PLCB1: variants seen among roughly 807,000 people sequenced by gnomAD.
The protein encoded by PLCB1 is 1-phosphatidylinositol 4,5-bisphosphate phosphodiesterase beta-1.
Under a neutral mutation model 161.8 loss-of-function variants are expected in PLCB1, and 46 were observed. That is an observed-to-expected ratio of 0.28 (90% confidence interval 0.22 to 0.36). The LOEUF (loss-of-function observed/expected upper bound fraction) is 0.36. Among genes scored for constraint, PLCB1 ranks in the 10% least tolerant of loss-of-function variants. The probability of loss-of-function intolerance (pLI) is 1.00; values close to 1 mark genes in which losing one functional copy is unlikely to be tolerated. For synonymous variants in PLCB1, 517 were observed against 503.7 expected (o/e 1.03, Z -0.35); for missense variants, 1,016 against 1,472.5 (o/e 0.69, Z 5.07).
chr20:8,549,106 T>C lies in PLCB1; in HGVS notation c.247-79188T>C, dbSNP rs1245083280. Among the ~76,000 whole-genome samples, 3 of 152,160 alleles carry C rather than the reference T, an allele frequency of 2.0e-5. No homozygotes were observed. The East Asian group carries it at 5.8e-4, about 29-fold the overall frequency. ...GTGCAGCAAACCACCATGGCACATG[T>C]ATACCTATGTAACAAGCCTGCATGT... is the stretch of plus-strand genomic sequence containing the variant. On this transcript the variant is annotated intron_variant, in intron 3 of 31. Transcript: ENST00000338037.
chr20:8,323,535 T>C (rs902883681), intron 2 of PLCB1, among the ~76,000 whole-genome samples: 6 of 152,140 alleles, frequency 3.9e-5, no homozygotes, highest in Non-Finnish European at 8.8e-5. Context: ...TCTCTCCTTA[T>C]GGCCTCTCCA....
At chr20:8,350,576 G>A (rs538073043) in intron 2 of PLCB1, among the ~76,000 whole-genome samples, 19 of 152,274 alleles carry the variant, frequency 1.2e-4, no homozygotes, top group African/African-American at 4.1e-4. Flanking sequence ...CTTTGTAACA[G>A]AATGATTTAT....
chr20:8,141,605 C>T (rs999076054), intron 1 of PLCB1, among the ~76,000 whole-genome samples: 2 of 127,366 alleles, frequency 1.6e-5, no homozygotes, highest in African/African-American at 3.1e-5. Flanking sequence ...CCAGCCTGGG[C>T]GACAGAGCGA....
intron 31 of PLCB1, among the ~76,000 whole-genome samples, chr20:8,868,348 G>A (rs990903825): frequency 4.0e-5 from 6 of 151,088 alleles, no homozygotes; most frequent in Non-Finnish European, 8.8e-5. Context: ...CCATAAAACC[G>A]TATTGTATTA....
chr20:8,439,840 A>G (rs1980476704), intron 3 of PLCB1, among the ~76,000 whole-genome samples: 2 of 151,880 alleles, frequency 1.3e-5, no homozygotes, highest in South Asian at 2.1e-4. Flanking sequence ...CCGTGCACCA[A>G]AGTTCTTAAA....
intron 31 of PLCB1, among the ~76,000 whole-genome samples, chr20:8,879,064 G>C (rs1987881198): frequency 6.6e-6 from 1 of 152,034 alleles, no homozygotes; most frequent in African/African-American, 2.4e-5. Flanking sequence ...GTGGTATTTG[G>C]TTTTCTGTTC....
rs184084899 is a variant in PLCB1 at position 8,472,028 on chromosome 20, G to T, written c.246+100578G>T. 5.9e-5 allele frequency among the ~76,000 whole-genome samples: 9 copies of T among 152,176 alleles called. 1 individual carries two copies. The highest frequency in any genetic ancestry group is 1.9e-4 in the African/African-American group (8 of 41,520). ...TCTTTGGCAGTTCACATTGCTTCAG[G>T]TTGAAAGTATGCAAAATTTTTAAAC... is the stretch of plus-strand genomic sequence containing the variant. On this transcript the variant is annotated intron_variant, in intron 3 of 31. Coordinates refer to ENST00000338037, the MANE Select transcript of PLCB1 (RefSeq NM_015192.4).
At chr20:8,523,946 G>A (rs6118229) in intron 3 of PLCB1, among the ~76,000 whole-genome samples, 5,372 of 152,022 alleles carry the variant, frequency 0.035, 235 homozygotes, top group East Asian at 0.13. Flanking sequence ...GAGTTAATAC[G>A]TGAAATTTCA....
rs1467134348 is a variant in PLCB1, at chr20:8,834,758, T to A, written c.3423+44497T>A. Among the ~76,000 whole-genome samples, 4 of 133,112 alleles carry A rather than the reference T, an allele frequency of 3.0e-5. No homozygotes were observed. The Admixed American group carries it at 3.8e-4, about 13-fold the overall frequency. The allele number at this position is 133,112 out of a possible 152,430, so 87.3% of individuals were successfully genotyped here. Reference sequence around the variant, plus strand: ...TGAACCTGGGAGGCAGAGGTTGCAGTGAGCCAAGTCCGCGCCACTGCACTC... The same window carrying A: ...TGAACCTGGGAGGCAGAGGTTGCAGAGAGCCAAGTCCGCGCCACTGCACTC... On this transcript the variant is annotated intron_variant, in intron 31 of 31. Coordinates refer to ENST00000338037, the MANE Select transcript of PLCB1 (RefSeq NM_015192.4).
chr20:8,573,369 A>C (rs1043159540), intron 3 of PLCB1, among the ~76,000 whole-genome samples: 1 of 152,188 alleles, frequency 6.6e-6, no homozygotes, highest in Non-Finnish European at 1.5e-5. Context: ...TTTAACTAGG[A>C]AATGGAACAG....
At chr20:8,330,180 T>A (rs780510475) in intron 2 of PLCB1, among the ~76,000 whole-genome samples, 1 of 152,208 alleles carries the variant, frequency 6.6e-6, no homozygotes, top group Non-Finnish European at 1.5e-5. Flanking sequence ...CATTTATAAT[T>A]GCTTATCACG....
intron 3 of PLCB1, among the ~76,000 whole-genome samples, chr20:8,439,041 T>C (rs1980433151): frequency 6.6e-6 from 1 of 152,218 alleles, no homozygotes; most frequent in Admixed American, 6.5e-5. Context: ...CTCTCTCCAA[T>C]TATTTTAAGC....
chr20:8,557,841 A>G (rs903734299), intron 3 of PLCB1, among the ~76,000 whole-genome samples: 1 of 151,982 alleles, frequency 6.6e-6, no homozygotes, highest in Non-Finnish European at 1.5e-5. Context: ...CCACATAATA[A>G]TATTCAAAAT....
At chr20:8,660,514 C>T (rs984535610) in intron 9 of PLCB1, among the ~76,000 whole-genome samples, 4 of 152,270 alleles carry the variant, frequency 2.6e-5, no homozygotes, top group Middle Eastern at 3.4e-3. Flanking sequence ...TTCCTTCACA[C>T]CACACTGCTG....
chr20:8,144,777 G>T (rs1294670479), intron 1 of PLCB1, among the ~76,000 whole-genome samples: 1 of 152,176 alleles, frequency 6.6e-6, no homozygotes, highest in African/African-American at 2.4e-5. Flanking sequence ...ATTTGGCCCT[G>T]CTGCTTCCTG....
intron 2 of PLCB1, among the ~76,000 whole-genome samples, chr20:8,338,740 T>G (rs1985682340): frequency 6.6e-6 from 1 of 152,216 alleles, no homozygotes; most frequent in African/African-American, 2.4e-5. Context: ...CAGCGTAGAT[T>G]AAGATAGAAC....
At chr20:8,831,558 C>T (rs1024487197) in intron 31 of PLCB1, among the ~76,000 whole-genome samples, 2 of 152,150 alleles carry the variant, frequency 1.3e-5, no homozygotes, top group African/African-American at 4.8e-5. Context: ...TAAATCCCAC[C>T]AGTTTATTTT....
intron 3 of PLCB1, among the ~76,000 whole-genome samples, chr20:8,605,284 C>G (rs1987722596): frequency 6.6e-6 from 1 of 151,914 alleles, no homozygotes; most frequent in Non-Finnish European, 1.5e-5. Context: ...TTTCCCTTAC[C>G]ATATCAGATT....
At chr20:8,379,717 T>C (rs1302441189) in intron 3 of PLCB1, among the ~76,000 whole-genome samples, 2 of 152,258 alleles carry the variant, frequency 1.3e-5, no homozygotes, top group African/African-American at 4.8e-5. Context: ...GTTGAGCTTT[T>C]TTTCATATGT....
Sources: allele counts gnomAD v4.1 joint callset (sites outside exome capture counted in the v4.1 genomes callset), GRCh38; gene constraint gnomAD v4.1.1; transcripts MANE v1.5; gene names NCBI Gene and HGNC (gene_info 2026-07-23, HGNC 2026-07-21).